The following GRM5 variants were observed in gnomAD, a reference collection of about 807,000 sequenced individuals.
The protein encoded by GRM5 is metabotropic glutamate receptor 5.
In GRM5, 19 loss-of-function variants were observed where a neutral mutation model predicts 83.1. The observed-to-expected ratio is 0.23, with a 90% CI of 0.16 to 0.34. The LOEUF (loss-of-function observed/expected upper bound fraction) is 0.34. GRM5 is among the 10% of genes least tolerant of loss of function. GRM5 has a pLI of 1.00. For synonymous variants in GRM5, 675 were observed against 633.6 expected (o/e 1.07, Z -0.98); for missense variants, 1,160 against 1,588.3 (o/e 0.73, Z 4.58).
chr11:88,986,009 T>C (rs1196338317), intron 2 of GRM5, among the ~76,000 whole-genome samples: 6 of 152,250 alleles, frequency 3.9e-5, no homozygotes, highest in South Asian at 4.1e-4. Flanking sequence ...AACCCACCAA[T>C]TGCAATCCTG....
chr11:88,693,767 T>A (rs796958386), intron 3 of GRM5, among the ~76,000 whole-genome samples: 14 of 152,248 alleles, frequency 9.2e-5, no homozygotes, highest in African/African-American at 2.9e-4. Context: ...ACAAAATAAG[T>A]CACTCCTCCT....
chr11:88,872,674 G>A (rs563949330), intron 2 of GRM5, among the ~76,000 whole-genome samples: 66 of 151,390 alleles, frequency 4.4e-4, no homozygotes, highest in African/African-American at 1.4e-3. Context: ...CAGTGACAGA[G>A]AGCATCTCTG....
At chr11:88,917,130 C>T (rs1588244) in intron 2 of GRM5, among the ~76,000 whole-genome samples, 24 of 152,308 alleles carry the variant, frequency 1.6e-4, no homozygotes, top group African/African-American at 5.5e-4. Flanking sequence ...CTTCAGGCAG[C>T]TCAGTACGAA....
intron 8 of GRM5, among the ~76,000 whole-genome samples, chr11:88,537,583 T>C (rs1161938268): frequency 6.6e-6 from 1 of 152,152 alleles, no homozygotes; most frequent in Non-Finnish European, 1.5e-5. Flanking sequence ...ATCTTTAGGT[T>C]AGAGGGAAAC....
At chr11:88,861,470 T>TGTC (rs1565265616) in intron 2 of GRM5, among the ~76,000 whole-genome samples, 1 of 151,502 alleles carries the variant, frequency 6.6e-6, no homozygotes, top group Non-Finnish European at 1.5e-5. Flanking sequence ...TTGTTGTTGT[T>TGTC]GTTGCTTTTT....
At chr11:88,944,663 C>T (rs556350242) in intron 2 of GRM5, among the ~76,000 whole-genome samples, 3 of 151,658 alleles carry the variant, frequency 2.0e-5, no homozygotes, top group Non-Finnish European at 4.4e-5. Flanking sequence ...AAAAAATACA[C>T]TGGATTACAA....
At chr11:88,983,504 C>T (rs895902094) in intron 2 of GRM5, among the ~76,000 whole-genome samples, 2 of 152,166 alleles carry the variant, frequency 1.3e-5, no homozygotes, top group Non-Finnish European at 2.9e-5. Context: ...TGCACCTCAT[C>T]ACTGGTGTTT....
At chr11:88,617,243 A>G (rs1565155974) in intron 4 of GRM5, among the ~76,000 whole-genome samples, 1 of 152,326 alleles carries the variant, frequency 6.6e-6, no homozygotes, top group East Asian at 1.9e-4. Context: ...TTTTGGTCCA[A>G]TCAAGATGGA....
chr11:88,619,140 C>T (rs1032652794), intron 4 of GRM5, among the ~76,000 whole-genome samples: 27 of 152,190 alleles, frequency 1.8e-4, no homozygotes, highest in Non-Finnish European at 3.8e-4. Context: ...AACTTTACAG[C>T]CGCTCAAAAC....
chr11:88,684,309 C>T (rs11020942), intron 3 of GRM5, among the ~76,000 whole-genome samples: 2,736 of 152,080 alleles, frequency 0.018, 65 homozygotes, highest in East Asian at 0.096. Flanking sequence ...GATTAATCTA[C>T]GCTTAAAGAT....
rs955786634 is a variant in GRM5 at position 88,990,884 on chromosome 11, T to C, written c.661+56328A>G. Among the ~76,000 whole-genome samples the C allele has an allele frequency of 4.6e-5, 7 of 152,046 alleles. 1 individual carries two copies. The highest frequency in any genetic ancestry group is 1.7e-4 in the African/African-American group (7 of 41,382). The stretch of plus-strand genomic sequence containing the variant: ...ATTTCAAAATAATAAGAGCTATCTA[T>C]GACAAACCCACAGCCAATATCGTAC... On this transcript the variant is annotated intron_variant, in intron 2 of 9. Transcript: ENST00000305447.
intron 3 of GRM5, among the ~76,000 whole-genome samples, chr11:88,727,548 C>T (rs1170308670): frequency 1.3e-5 from 2 of 152,188 alleles, no homozygotes; most frequent in Non-Finnish European, 2.9e-5. Context: ...CAATAGACAT[C>T]TACAGAACTC....
rs547861525 is a variant in GRM5, at chr11:88,516,501, G to T, written c.2727-6997C>A. On this transcript the variant is annotated intron_variant, in intron 9 of 9. Transcript: ENST00000305447. ...AATCCTGAGGGACTGTAAGATAAAA[G>T]TTGTCCCAGGATGTTTAGAATGGTT... Among the ~76,000 whole-genome samples the T allele has an allele frequency of 2.6e-5, 4 of 152,286 alleles. 1 individual carries two copies. The South Asian group carries it at 6.2e-4, about 24-fold the overall frequency.
At chr11:89,029,576 C>G (rs1330539392) in intron 2 of GRM5, among the ~76,000 whole-genome samples, 1 of 152,136 alleles carries the variant, frequency 6.6e-6, no homozygotes, top group Non-Finnish European at 1.5e-5. Flanking sequence ...ATTAACATTA[C>G]ACATGTTAAA....
intron 2 of GRM5, among the ~76,000 whole-genome samples, chr11:88,885,935 T>C (rs1355522398): frequency 6.6e-6 from 1 of 152,146 alleles, no homozygotes; most frequent in Non-Finnish European, 1.5e-5. Flanking sequence ...GCCAGCCATG[T>C]ATACTGTAAA....
In GRM5 at chr11:88,815,940, G is replaced by A. The variant is rs569970291; in HGVS notation, c.911+33966C>T. ...AAGAAATTGGAAACAGAGGCCGGGCGCGGTGGCTCACGCCTGTAATCCCAG... is the reference window on the plus strand; with the variant it reads ...AAGAAATTGGAAACAGAGGCCGGGCACGGTGGCTCACGCCTGTAATCCCAG... On this transcript the variant is annotated intron_variant, in intron 3 of 9. Coordinates refer to ENST00000305447, the MANE Select transcript of GRM5 (RefSeq NM_001143831.3). Among the ~76,000 whole-genome samples, 5 of 148,574 alleles carry A rather than the reference G, an allele frequency of 3.4e-5. No individual in the cohort carries two copies. The East Asian group carries it at 5.8e-4, about 17-fold the overall frequency.
At chr11:88,934,364 T>G (rs540872517) in intron 2 of GRM5, among the ~76,000 whole-genome samples, 45 of 152,012 alleles carry the variant, frequency 3.0e-4, no homozygotes, top group African/African-American at 9.9e-4. Context: ...ATTGCACATC[T>G]TTAGTGCCCA....
intron 2 of GRM5, among the ~76,000 whole-genome samples, chr11:88,918,198 A>G (rs879652128): frequency 6.6e-6 from 1 of 151,894 alleles, no homozygotes; most frequent in Non-Finnish European, 1.5e-5. Flanking sequence ...GAAGGAAAAA[A>G]AAAAAACAAA....
At chr11:88,539,267 C>A (rs146198257) in intron 8 of GRM5, among the ~76,000 whole-genome samples, 1 of 152,272 alleles carries the variant, frequency 6.6e-6, no homozygotes, top group African/African-American at 2.4e-5. Context: ...ATTTTGTAAT[C>A]TTTTTCTTAA....
Sources: gnomAD v4.1 joint callset for allele counts (sites outside exome capture counted in the v4.1 genomes callset) on GRCh38, gnomAD v4.1.1 for gene constraint, MANE v1.5 for transcripts, NCBI Gene and HGNC (gene_info 2026-07-23, HGNC 2026-07-21) for gene names.